Variants in WDR20 observed in about 807,000 individuals in gnomAD.
WDR20 encodes WD repeat domain 20.
In WDR20, 3 loss-of-function variants were observed where a neutral mutation model predicts 38.7. The ratio of observed to expected loss-of-function variants is 0.08; its 90% confidence interval spans 0.04 to 0.20. WDR20 has a LOEUF of 0.20. WDR20 is among the 10% of genes least tolerant of loss of function. WDR20 has a pLI of 1.00. For missense variants in WDR20, 559 were observed against 727.7 expected (o/e 0.77, Z 2.67); for synonymous variants, 298 against 285.6 (o/e 1.04, Z -0.44).
intron 1 of WDR20, among the ~76,000 whole-genome samples, chr14:102,153,117 G>A (rs56199300): frequency 0.086 from 13,003 of 152,070 alleles, 962 homozygotes; most frequent in African/African-American, 0.21. Flanking sequence ...CTCCAGAACT[G>A]GCTGTTTAAA....
chr14:102,141,909 T>TA (rs916754127), intron 1 of WDR20, among the ~76,000 whole-genome samples: 30 of 152,326 alleles, frequency 2.0e-4, no homozygotes, highest in Non-Finnish European at 3.1e-4. Context: ...AGGAATTACT[T>TA]AAAAATTTTT....
intron 1 of WDR20, among the ~76,000 whole-genome samples, chr14:102,158,454 C>T (rs552049440): frequency 7.9e-5 from 12 of 152,212 alleles, no homozygotes; most frequent in Non-Finnish European, 1.5e-4. Context: ...TGTACCACCA[C>T]GCCTGGCTAA....
intron 1 of WDR20, among the ~76,000 whole-genome samples, chr14:102,193,806 C>T (rs1044596032): frequency 2.0e-5 from 3 of 152,076 alleles, no homozygotes; most frequent in African/African-American, 7.2e-5. Context: ...CCCAGAGGGC[C>T]ACACAGCGTG....
chr14:102,168,319 A>C (rs2060149151), intron 1 of WDR20, among the ~76,000 whole-genome samples: 1 of 152,240 alleles, frequency 6.6e-6, no homozygotes, highest in Non-Finnish European at 1.5e-5. Flanking sequence ...CCCCAAAGAT[A>C]AAAATAGAGT....
In WDR20 at chr14:102,209,687, C is replaced by T; in HGVS notation, c.1517C>T (p.Ala506Val). The T allele has an allele frequency of 6.2e-7, 1 of 1,614,138 alleles. No homozygotes were observed. Among genetic ancestry groups the T allele is most frequent in the Non-Finnish European group, 8.5e-7 (1 of 1,180,042 alleles). Residue 506 changes from alanine (A) to valine (V), a missense_variant, in exon 3 of 3, where the codon GCT becomes GTT. Physicochemically the swap from Ala to Val is moderately conservative, Grantham distance 64. Coordinates refer to ENST00000342702, the MANE Select transcript of WDR20 (RefSeq NM_144574.4). The surrounding 1 kb of genome is among the most constrained non-coding windows in gnomAD (Gnocchi z 6.0). ...GTTACCAAAACCAAAACGGACCCTG[C>T]TAAAACTCTGGGAACGCCCCTGTGT... ...NLVTKTKTDP[A>V]KTLGTPLCPR...
intron 1 of WDR20, among the ~76,000 whole-genome samples, chr14:102,147,809 C>T (rs1406429685): frequency 3.3e-5 from 5 of 152,206 alleles, no homozygotes; most frequent in South Asian, 2.1e-4. Flanking sequence ...TGGTTCACTG[C>T]AACCTCTGCC....
intron 1 of WDR20, among the ~76,000 whole-genome samples, chr14:102,181,673 TTTAAC>T (rs1322645998): frequency 6.6e-6 from 1 of 152,204 alleles, no homozygotes; most frequent in African/African-American, 2.4e-5. Flanking sequence ...TAGCTTTATA[TTTAAC>T]TTTTAAGCTA....
chr14:102,196,777 C>T (rs958215431), intron 2 of WDR20, among the ~76,000 whole-genome samples: 1 of 152,180 alleles, frequency 6.6e-6, no homozygotes, highest in Non-Finnish European at 1.5e-5. Context: ...TGGAAGGCAG[C>T]TCCTCATTCT....
At chr14:102,198,247 C>T in intron 2 of WDR20, 1 of 278,680 alleles carries the variant, frequency 3.6e-6, no homozygotes. Context: ...TTGTGCCTCA[C>T]CCACCCAAGT....
upstream of WDR20, chr14:102,139,631 A>G (rs572151114): frequency 1.2e-5 from 8 of 643,228 alleles, no homozygotes; most frequent in South Asian, 1.6e-4. Context: ...ACTAGACCCC[A>G]CTAGCTGAAG....
chr14:102,200,466 TTTGTGTG>T (rs1189647116), intron 2 of WDR20, among the ~76,000 whole-genome samples: 8 of 106,096 alleles, frequency 7.5e-5, no homozygotes, highest in Admixed American at 4.4e-4. Flanking sequence ...AATTTTTTTT[TTTGTGTG>T]TGTGTGTGTG....
At chr14:102,153,576 G>C (rs535509261) in intron 1 of WDR20, among the ~76,000 whole-genome samples, 16 of 152,190 alleles carry the variant, frequency 1.1e-4, no homozygotes, top group African/African-American at 3.6e-4. Flanking sequence ...AAAGTGCTGG[G>C]ATTACAGGCG....
chr14:102,177,154 A>G (rs2062323923), intron 1 of WDR20, among the ~76,000 whole-genome samples: 1 of 152,200 alleles, frequency 6.6e-6, no homozygotes, highest in African/African-American at 2.4e-5. Flanking sequence ...AAATCTCTCT[A>G]TCATCATTTC....
chr14:102,213,306 A>G (rs940309770), downstream of WDR20: 1 of 985,340 alleles, frequency 1.0e-6, no homozygotes, highest in African/African-American at 1.7e-5. Flanking sequence ...TTTAAAAGCA[A>G]ATGCATGTGC....
intron 1 of WDR20, among the ~76,000 whole-genome samples, chr14:102,194,660 T>C (rs1328135034): frequency 6.6e-6 from 1 of 152,250 alleles, no homozygotes; most frequent in Non-Finnish European, 1.5e-5. Context: ...TATTTCCTGC[T>C]GAAGTCCAGG....
intron 1 of WDR20, among the ~76,000 whole-genome samples, chr14:102,187,836 A>T (rs1000622920): frequency 6.6e-6 from 1 of 152,194 alleles, no homozygotes; most frequent in Non-Finnish European, 1.5e-5. Context: ...AGCGCCAAGT[A>T]TAAAGCTGGT....
At position 102,140,049 on chromosome 14, in the gene WDR20, G is replaced by T. The variant is rs765817316; in HGVS notation, c.126G>T (p.Ser42=). Residue 42 remains serine, a synonymous_variant, in exon 1 of 3, where the codon TCG becomes TCT. Transcript: ENST00000342702. ...GGCCCAACCGGGTGCCCTTCAACTC[G>T]CAGGGATCCAACCCTGTCCGCGTCT... is the stretch of plus-strand genomic sequence containing the variant. ...YSRPNRVPFN[S]QGSNPVRVSF... 1.2e-6 allele frequency: 2 copies of T among 1,614,180 alleles called. No individual in the cohort carries two copies. The highest frequency in any genetic ancestry group is 1.7e-6 in the Non-Finnish European group (2 of 1,180,016).
intron 1 of WDR20, among the ~76,000 whole-genome samples, chr14:102,153,290 G>A (rs2056528648): frequency 6.7e-6 from 1 of 148,310 alleles, no homozygotes; most frequent in Non-Finnish European, 1.5e-5. Context: ...AGAACCATGA[G>A]CCAGTGAAAC....
At chr14:102,223,676 G>C (rs942576847), downstream of WDR20, 1 of 152,350 alleles carries the variant, frequency 6.6e-6, no homozygotes, top group East Asian at 1.9e-4. Flanking sequence ...TGAATATACC[G>C]CTTGTTTATC....
Sources: allele counts gnomAD v4.1 joint callset (sites outside exome capture counted in the v4.1 genomes callset), GRCh38; gene constraint gnomAD v4.1.1; non-coding constraint Gnocchi (gnomAD v3.1); transcripts MANE v1.5; gene names NCBI Gene and HGNC (gene_info 2026-07-23, HGNC 2026-07-21).